The following TNRC6C variants were observed in gnomAD, a reference collection of about 807,000 sequenced individuals.
TNRC6C encodes the protein trinucleotide repeat-containing gene 6C protein.
TNRC6C carries 20 observed loss-of-function variants against 153.7 expected under a neutral mutation model. The ratio of observed to expected loss-of-function variants is 0.13; its 90% CI spans 0.09 to 0.19. The LOEUF is 0.19. TNRC6C is among the 10% of genes least tolerant of loss of function. TNRC6C has a pLI of 1.00. For missense variants in TNRC6C, 1,987 were observed against 2,172.0 expected (o/e 0.91, Z 1.69); for synonymous variants, 811 against 841.4 (o/e 0.96, Z 0.63).
intron 3 of TNRC6C, among the ~76,000 whole-genome samples, chr17:78,055,666 A>G (rs1048750818): frequency 1.1e-4 from 16 of 152,198 alleles, no homozygotes; most frequent in African/African-American, 3.4e-4. Context: ...GATAGTCCCA[A>G]TTTGAATGCC....
Position 78,030,314 on chromosome 17 carries a change from TTGTGTGTGTGCG to T in TNRC6C, c.-545-1191_-545-1180del, listed in dbSNP as rs1267595096. ...ACCCGTACCTGCCACCACACCTGGC[TTGTGTGTGTGCG>T]TGTGTGTGTGTGTGTGTAGTAGAGA... On this transcript the variant is annotated intron_variant, in intron 1 of 19. Transcript: ENST00000301624. 1.9e-4 allele frequency among the ~76,000 whole-genome samples: 27 copies of T among 142,312 alleles called. No homozygotes were observed. In the East Asian group the frequency reaches 5.7e-3, roughly 30 times the overall value. The allele number at this position is 142,312 out of a possible 152,430, so 93.4% of individuals were successfully genotyped here.
intron 1 of TNRC6C, among the ~76,000 whole-genome samples, chr17:78,010,788 AT>A (rs1321296598): frequency 2.0e-5 from 3 of 152,046 alleles, no homozygotes; most frequent in South Asian, 4.1e-4. Context: ...ATAAACATTA[AT>A]TTTTTTCCAT....
chr17:78,087,161 C>A, intron 13 of TNRC6C, 68 bp downstream of exon 15: 1 of 1,563,590 alleles, frequency 6.4e-7, no homozygotes, highest in South Asian at 1.2e-5. Flanking sequence ...TATGTGGTAG[C>A]CAGGGCAGCA....
chr17:77,974,268 A>C (rs1471669268), intron 1 of TNRC6C, among the ~76,000 whole-genome samples: 3 of 152,208 alleles, frequency 2.0e-5, no homozygotes, highest in Non-Finnish European at 2.9e-5. Context: ...ATGTCACCAA[A>C]AAAGATATAC....
Position 78,050,133 on chromosome 17 carries a change from GA to G in TNRC6C, c.1074del (p.Gly359AspfsTer24). On this transcript the variant is annotated frameshift_variant, in exon 3 of 20. Coordinates refer to ENST00000301624, the Ensembl canonical transcript of TNRC6C. LOFTEE classifies it high-confidence loss of function. ...AGCATTCCAACAGTGACATCAATGG[GA>G]AAGGATCAACAGGGTGGGAGAGTCC... The G allele has an allele frequency of 6.2e-7, 1 of 1,601,670 alleles. No individual in the cohort carries two copies. The highest frequency in any genetic ancestry group is 8.5e-7 in the Non-Finnish European group (1 of 1,173,844).
chr17:77,962,259 A>G (rs1348087788), intron 1 of TNRC6C, among the ~76,000 whole-genome samples: 1 of 152,210 alleles, frequency 6.6e-6, no homozygotes, highest in Non-Finnish European at 1.5e-5. Context: ...AAAACCATTT[A>G]AAAGACTATT....
At chr17:78,023,730 C>A (rs1051850546) in intron 1 of TNRC6C, among the ~76,000 whole-genome samples, 1 of 152,032 alleles carries the variant, frequency 6.6e-6, no homozygotes, top group Non-Finnish European at 1.5e-5. Flanking sequence ...CACCTGAGCC[C>A]GGAAAGCCAA....
intron 4 of TNRC6C, among the ~76,000 whole-genome samples, chr17:78,067,363 A>G (rs972747217): frequency 1.3e-5 from 2 of 152,024 alleles, no homozygotes; most frequent in Non-Finnish European, 2.9e-5. Context: ...AAAACCTACA[A>G]ATTTTAAAAA....
At chr17:77,991,710 A>G (rs62078549) in intron 1 of TNRC6C, among the ~76,000 whole-genome samples, 2,136 of 152,344 alleles carry the variant, frequency 0.014, 32 homozygotes, top group Non-Finnish European at 0.021. Context: ...TAACTGATAT[A>G]TATATAAGAA....
upstream of TNRC6C, among the ~76,000 whole-genome samples, chr17:77,958,113 G>A (rs1031202462): frequency 1.3e-5 from 2 of 152,110 alleles, no homozygotes; most frequent in African/African-American, 2.4e-5. Flanking sequence ...GCAAAGTGGG[G>A]CGGTGCAGGG....
intron 18 of TNRC6C, 81 bp from the exon 22 acceptor site, chr17:78,103,333 T>G (rs2073631384): frequency 1.3e-6 from 2 of 1,537,068 alleles, no homozygotes; most frequent in East Asian, 2.3e-5. Context: ...TGTATCCAAT[T>G]TCATACGTTT....
rs377749176 is a variant in TNRC6C, at chr17:78,067,760, C to T, written c.2615C>T (p.Ser872Leu). 2.1e-5 allele frequency: 34 copies of T among 1,604,468 alleles called. 1 individual carries two copies. The highest frequency in any genetic ancestry group is 1.7e-4 in the Middle Eastern group (1 of 5,996). The change falls in exon 5 of 20, where the codon TCA becomes TTA. Residue 872 changes from serine to leucine, a missense_variant. This residue lies in a region of TNRC6C where 765 missense variants were observed against 908.6 expected (regional missense o/e 0.84). Coordinates refer to ENST00000301624, the Ensembl canonical transcript of TNRC6C. ...TTCATGTTTGCTCTGTTTCTAGCTTCAAAATCTATGCAAGAAGGCTGGGGC... is the reference window on the plus strand; with the variant it reads ...TTCATGTTTGCTCTGTTTCTAGCTTTAAAATCTATGCAAGAAGGCTGGGGC...
At chr17:78,046,564 A>G (rs1365215609) in intron 2 of TNRC6C, among the ~76,000 whole-genome samples, 1 of 152,072 alleles carries the variant, frequency 6.6e-6, no homozygotes, top group African/African-American at 2.4e-5. Context: ...ATTATATGAT[A>G]TCTTTTGTTA....
At chr17:78,069,405 T>G (rs2072946457) in intron 5 of TNRC6C, among the ~76,000 whole-genome samples, 1 of 152,160 alleles carries the variant, frequency 6.6e-6, no homozygotes, top group Non-Finnish European at 1.5e-5. Flanking sequence ...GATTTTTTTA[T>G]TTAAAAAAAT....
At chr17:78,050,231 C>T in exon 3 of TNRC6C, 1 of 1,538,710 alleles carries the variant, frequency 6.5e-7, no homozygotes, top group Non-Finnish European at 8.7e-7. Context: ...AAAGCGGCAT[C>T]TTCTGGAACT....
At chr17:77,959,818 C>T (rs773901476) in intron 1 of TNRC6C, among the ~76,000 whole-genome samples, 19 of 152,180 alleles carry the variant, frequency 1.2e-4, no homozygotes, top group Non-Finnish European at 2.9e-5. Flanking sequence ...AACATCTGTC[C>T]TGTTATCAGA....
exon 9 of TNRC6C, chr17:78,077,319 G>C (rs1238039443): frequency 6.3e-7 from 1 of 1,576,236 alleles, no homozygotes; most frequent in Non-Finnish European, 8.6e-7. Context: ...TGCAAAACTT[G>C]AATTCTTCTA....
chr17:78,025,237 C>G lies in TNRC6C; in HGVS notation c.-545-6279C>G, dbSNP rs74804537. Among the ~76,000 whole-genome samples, 50 of 152,278 alleles carry G rather than the reference C, an allele frequency of 3.3e-4. No homozygotes were observed. The East Asian group carries it at 8.7e-3, about 26-fold the overall frequency. The stretch of plus-strand genomic sequence containing the variant: ...AATCCCCTGTGCTCCGCATAGTCAT[C>G]CCCCACTCCCCTGGCAACCGCTGAT... On this transcript the variant is annotated intron_variant, in intron 1 of 19. Coordinates refer to ENST00000301624, the Ensembl canonical transcript of TNRC6C.
intron 2 of TNRC6C, among the ~76,000 whole-genome samples, chr17:78,041,316 C>T (rs939112370): frequency 2.0e-5 from 3 of 152,096 alleles, no homozygotes; most frequent in African/African-American, 7.2e-5. Flanking sequence ...TAAAGATCTG[C>T]CGCACGGAGC....
Sources: gnomAD v4.1 joint callset for allele counts (sites outside exome capture counted in the v4.1 genomes callset) on GRCh38, gnomAD v4.1.1 for gene constraint, gnomAD v4.1.1 regional missense constraint, MANE v1.5 for transcripts, NCBI Gene and HGNC (gene_info 2026-07-23, HGNC 2026-07-21) for gene names.